The following HS2ST1 variants were observed in gnomAD, a reference collection of about 807,000 sequenced individuals.
HS2ST1 encodes the protein heparan sulfate 2-O-sulfotransferase 1, also known as 2-O-sulfotransferase.
Under a neutral mutation model 42.9 loss-of-function variants are expected in HS2ST1, and 18 were observed. The observed-to-expected ratio is 0.42, with a 90% CI of 0.29 to 0.62. HS2ST1 has a LOEUF of 0.62. Ranked by LOEUF, HS2ST1 falls within the 20% of genes least tolerant of loss-of-function variation. The pLI, the probability that HS2ST1 is intolerant of heterozygous loss-of-function variation, is 0.21. For synonymous variants in HS2ST1, 146 were observed against 152.9 expected (o/e 0.95, Z 0.33); for missense variants, 334 against 433.8 (o/e 0.77, Z 2.04).
chr1:86,914,996 C>T lies in HS2ST1; in HGVS notation c.-41C>T, dbSNP rs1189162397. 3.7e-6 allele frequency: 6 copies of T among 1,612,222 alleles called. No individual in the cohort carries two copies. Among genetic ancestry groups the T allele is most frequent in the South Asian group, 1.1e-5 (1 of 91,026 alleles). On this transcript the variant is annotated 5_prime_UTR_variant, in exon 1 of 7. Transcript: ENST00000370550. ...TCTCTCGCCTCCGGGGTCCCGCTCC[C>T]CGCCCCCCGCGGTATGTCTTGATCC... is the stretch of plus-strand genomic sequence containing the variant.
chr1:87,038,439 A>T (rs910706365), intron 1 of HS2ST1, among the ~76,000 whole-genome samples: 3 of 152,162 alleles, frequency 2.0e-5, no homozygotes, highest in African/African-American at 7.2e-5. Context: ...GTACTGTTGT[A>T]AAACATTTTC....
intron 1 of HS2ST1, among the ~76,000 whole-genome samples, chr1:87,064,862 C>T (rs1032413312): frequency 2.6e-5 from 4 of 152,084 alleles, no homozygotes; most frequent in Admixed American, 6.6e-5. Flanking sequence ...AAGGTGTTGC[C>T]GTGTTGCTCA....
intron 1 of HS2ST1, among the ~76,000 whole-genome samples, chr1:86,946,699 TC>T (rs1458338784): frequency 2.0e-5 from 3 of 152,162 alleles, no homozygotes; most frequent in Non-Finnish European, 4.4e-5. Context: ...GGCAAAATAT[TC>T]TTGTGCTTTG....
At chr1:87,012,940 C>T (rs975636193) in intron 1 of HS2ST1, among the ~76,000 whole-genome samples, 8 of 152,214 alleles carry the variant, frequency 5.3e-5, no homozygotes, top group Admixed American at 4.6e-4. Flanking sequence ...ACATCCAGGT[C>T]ACGCTGATGC....
intron 1 of HS2ST1, among the ~76,000 whole-genome samples, chr1:87,009,480 C>T (rs1421545568): frequency 6.6e-6 from 1 of 152,092 alleles, no homozygotes; most frequent in African/African-American, 2.4e-5. Flanking sequence ...GAGTAGTTGC[C>T]ATAGGTATAT....
At position 87,107,271 on chromosome 1, in the gene HS2ST1, A is replaced by C. The variant is rs1285916301; in HGVS notation, c.*2575A>C. 2 of 151,820 alleles carry C rather than the reference A, an allele frequency of 1.3e-5. No homozygotes were observed. The highest frequency in any genetic ancestry group is 2.4e-5 in the African/African-American group (1 of 41,360). 9.4% of individuals were successfully genotyped at this position (151,820 alleles called of 1,614,324 possible). A position where few individuals can be genotyped will look rare whatever the true frequency, so the allele number is the denominator to read the frequency against. On this transcript the variant is annotated 3_prime_UTR_variant, in exon 7 of 7. Coordinates refer to ENST00000370550, the MANE Select transcript of HS2ST1 (RefSeq NM_012262.4). Reference sequence around the variant, plus strand: ...GTGTAGTCTCTCCCACAGATTCATAAACTTTTATGACTTATATTGTTTCCA... The same window carrying C: ...GTGTAGTCTCTCCCACAGATTCATACACTTTTATGACTTATATTGTTTCCA...
chr1:86,932,979 A>AT (rs1482831224), intron 1 of HS2ST1, among the ~76,000 whole-genome samples: 1 of 152,222 alleles, frequency 6.6e-6, no homozygotes, highest in African/African-American at 2.4e-5. Flanking sequence ...CTGCAAGATC[A>AT]TTTTTGTAGC....
Position 87,046,177 on chromosome 1 carries a change from C to A in HS2ST1, c.125-26757C>A, listed in dbSNP as rs994208804. The A allele has an allele frequency of 6.4e-5, 53 of 826,754 alleles. No homozygotes were observed. In the Middle Eastern group the frequency reaches 1.4e-3, roughly 22 times the overall value. 51.2% of individuals were successfully genotyped at this position (826,754 alleles called of 1,614,324 possible). A position where few individuals can be genotyped will look rare whatever the true frequency, so the allele number is the denominator to read the frequency against. On this transcript the variant is annotated intron_variant, in intron 1 of 6. Coordinates refer to ENST00000370550, the MANE Select transcript of HS2ST1 (RefSeq NM_012262.4). ...AACCGTGTTAATAGAGTGTGCCTGG[C>A]AGCTGTTGTTCCTCTTATTGAAAGT...
intron 1 of HS2ST1, among the ~76,000 whole-genome samples, chr1:86,945,108 A>C (rs1647293850): frequency 6.6e-6 from 1 of 152,172 alleles, no homozygotes; most frequent in East Asian, 1.9e-4. Flanking sequence ...CTCTGAAAGT[A>C]GCAGATATTT....
At chr1:87,054,446 A>T (rs1650911722) in intron 1 of HS2ST1, among the ~76,000 whole-genome samples, 1 of 152,160 alleles carries the variant, frequency 6.6e-6, no homozygotes, top group African/African-American at 2.4e-5. Flanking sequence ...AAAGTATGGG[A>T]GCCTTCATGG....
chr1:87,017,127 T>C (rs749279726), intron 1 of HS2ST1, among the ~76,000 whole-genome samples: 1 of 151,122 alleles, frequency 6.6e-6, no homozygotes, highest in African/African-American at 2.4e-5. Context: ...GTAGCAGCCT[T>C]TCTCTCTCTC....
intron 3 of HS2ST1, among the ~76,000 whole-genome samples, chr1:87,089,077 T>G (rs1249027095): frequency 2.6e-5 from 4 of 152,006 alleles, no homozygotes; most frequent in Non-Finnish European, 5.9e-5. Flanking sequence ...ATCACCTCCT[T>G]TTTTGACTTT....
intron 1 of HS2ST1, among the ~76,000 whole-genome samples, chr1:87,027,676 C>T (rs1374842124): frequency 6.6e-6 from 1 of 152,130 alleles, no homozygotes; most frequent in African/African-American, 2.4e-5. Flanking sequence ...TTATATTTAT[C>T]AGAATGGGAC....
At chr1:86,929,502 G>A (rs1257439719) in intron 1 of HS2ST1, among the ~76,000 whole-genome samples, 1 of 151,708 alleles carries the variant, frequency 6.6e-6, no homozygotes, top group Non-Finnish European at 1.5e-5. Flanking sequence ...TTCTAGAAAA[G>A]CTATGGCTTT....
intron 1 of HS2ST1, among the ~76,000 whole-genome samples, chr1:87,036,043 A>C (rs753423223): frequency 6.6e-6 from 1 of 151,664 alleles, no homozygotes; most frequent in African/African-American, 2.4e-5. Flanking sequence ...TCATTGTTCA[A>C]CTCCCACTTA....
intron 1 of HS2ST1, among the ~76,000 whole-genome samples, chr1:86,970,493 C>T (rs1438432455): frequency 2.0e-5 from 3 of 152,104 alleles, no homozygotes; most frequent in Admixed American, 6.5e-5. Flanking sequence ...CTCCACCTCC[C>T]GGGTTCAAGT....
chr1:86,941,362 G>A (rs1359564181), intron 1 of HS2ST1, among the ~76,000 whole-genome samples: 2 of 119,552 alleles, frequency 1.7e-5, no homozygotes, highest in African/African-American at 8.9e-5. Flanking sequence ...GGGAGGGGCT[G>A]CCAGGTTGAG....
chr1:87,031,482 CA>C (rs1650236902), intron 1 of HS2ST1, among the ~76,000 whole-genome samples: 1 of 152,090 alleles, frequency 6.6e-6, no homozygotes. Context: ...GCCAATATAC[CA>C]ACTGTTTATT....
chr1:87,045,550 G>C (rs1170188728), intron 1 of HS2ST1: 6 of 802,004 alleles, frequency 7.5e-6, no homozygotes, highest in African/African-American at 5.0e-5. Context: ...GGAGGATCCA[G>C]TGCACAAGGC....
Sources: allele counts gnomAD v4.1 joint callset (sites outside exome capture counted in the v4.1 genomes callset), GRCh38; gene constraint gnomAD v4.1.1; transcripts MANE v1.5; gene names NCBI Gene and HGNC (gene_info 2026-07-23, HGNC 2026-07-21).